Variants in PHTF2 observed in about 807,000 individuals in gnomAD.
PHTF2 encodes the protein putative homeodomain transcription factor 2, also known as protein PHTF2.
Under a neutral mutation model 101.2 loss-of-function variants are expected in PHTF2, and 60 were observed. The observed-to-expected ratio is 0.59, with a 90% CI of 0.48 to 0.73. The LOEUF (loss-of-function observed/expected upper bound fraction) is 0.73, where lower values mean the gene tolerates loss of function less well. Among genes scored for constraint, PHTF2 ranks in the 30% least tolerant of loss-of-function variants. The probability of loss-of-function intolerance (pLI) is 0.00; values close to 1 mark genes in which losing one functional copy is unlikely to be tolerated. For missense variants in PHTF2, 747 were observed against 908.7 expected, an observed-to-expected ratio of 0.82 and a Z score of 2.29; for synonymous variants, 311 against 307.3, an observed-to-expected ratio of 1.01 and a Z score of -0.13.
At chr7:77,906,691 T>C (rs1801888888) in intron 7 of PHTF2, among the ~76,000 whole-genome samples, 1 of 152,174 alleles carries the variant, frequency 6.6e-6, no homozygotes, top group South Asian at 2.1e-4. Flanking sequence ...TAAGCATTTG[T>C]ACTTGCCCCT....
chr7:77,824,952 C>T (rs1794595920), intron 1 of PHTF2, among the ~76,000 whole-genome samples: 1 of 151,914 alleles, frequency 6.6e-6, no homozygotes, highest in South Asian at 2.1e-4. Flanking sequence ...GGGAGGAACA[C>T]TTGAGACCCC....
intron 3 of PHTF2, among the ~76,000 whole-genome samples, chr7:77,875,965 A>G (rs1798910758): frequency 6.6e-6 from 1 of 152,188 alleles, no homozygotes. Flanking sequence ...TATTACTGCT[A>G]TTATCCTGAT....
intron 1 of PHTF2, among the ~76,000 whole-genome samples, chr7:77,834,531 C>T (rs1033997743): frequency 1.2e-4 from 18 of 152,130 alleles, no homozygotes; most frequent in African/African-American, 4.1e-4. Flanking sequence ...AGGGGCTTGA[C>T]TCAAGTCCTA....
chr7:77,890,018 A>C, intron 3 of PHTF2, among the ~76,000 whole-genome samples: 1 of 111,826 alleles, frequency 8.9e-6, no homozygotes, highest in African/African-American at 4.4e-5. Context: ...AAAAATTAAG[A>C]CGCGCCCCCC....
chr7:77,865,810 G>A (rs918556699), intron 3 of PHTF2, among the ~76,000 whole-genome samples: 3 of 152,058 alleles, frequency 2.0e-5, no homozygotes, highest in African/African-American at 7.2e-5. Context: ...GATGTGCCAT[G>A]TATCAAGCCA....
In PHTF2 at chr7:77,888,040, G is replaced by A. The variant is rs144373861; in HGVS notation, c.148-5568G>A. On this transcript the variant is annotated intron_variant, in intron 3 of 19. Transcript: ENST00000416283. ...TGGATATCTATACCATTACTTGTAC[G>A]TTAATTACCTTGGTATATCTCTCTC... Among the ~76,000 whole-genome samples the A allele has an allele frequency of 8.5e-5, 13 of 152,130 alleles. No homozygotes were observed. The East Asian group carries it at 2.5e-3, about 29-fold the overall frequency.
chr7:77,920,570 T>A, intron 10 of PHTF2, 105 bp downstream of exon 9: 1 of 777,908 alleles, frequency 1.3e-6, no homozygotes, highest in East Asian at 2.6e-5. Flanking sequence ...TTCTCCAGAA[T>A]TAATTCTGTG....
chr7:77,893,995 T>G lies in PHTF2; in HGVS notation c.216+2T>G. 3 of 1,601,208 alleles carry G rather than the reference T, an allele frequency of 1.9e-6. No homozygotes were observed. The highest frequency in any genetic ancestry group is 2.6e-6 in the Non-Finnish European group (3 of 1,168,288). On this transcript the variant is annotated splice_donor_variant, in intron 5 of 19. Coordinates refer to ENST00000416283, the Ensembl canonical transcript of PHTF2. LOFTEE classifies it high-confidence loss of function. Reference sequence around the variant, plus strand: ...TGCTCTGTACAGTTTATTAAACTGGTAAGTGTTTCAGGATTTTTCCCGCCT... The same window carrying G: ...TGCTCTGTACAGTTTATTAAACTGGGAAGTGTTTCAGGATTTTTCCCGCCT...
chr7:77,800,728 A>G (rs535415568), intron 1 of PHTF2, among the ~76,000 whole-genome samples: 3 of 152,352 alleles, frequency 2.0e-5, no homozygotes, highest in Admixed American at 1.3e-4. Context: ...TTAGGGTGTC[A>G]TGTGGATAAA....
chr7:77,928,592 A>G (rs1804279679), intron 11 of PHTF2, among the ~76,000 whole-genome samples: 1 of 152,206 alleles, frequency 6.6e-6, no homozygotes, highest in Non-Finnish European at 1.5e-5. Context: ...AGGATTCTCA[A>G]ATCTCACAGT....
intron 9 of PHTF2, among the ~76,000 whole-genome samples, chr7:77,917,691 A>G (rs775656689): frequency 6.6e-6 from 1 of 152,164 alleles, no homozygotes; most frequent in African/African-American, 2.4e-5. Flanking sequence ...ACTTTTCTCT[A>G]ATATTGTCCC....
chr7:77,952,962 T>A lies in PHTF2; in HGVS notation c.2212-807T>A, dbSNP rs561664858. 9.8e-5 allele frequency among the ~76,000 whole-genome samples: 15 copies of A among 152,308 alleles called. 1 individual carries two copies. In the South Asian group the frequency reaches 2.3e-3, roughly 23 times the overall value. Reference sequence around the variant, plus strand: ...TCTCTCACTTATGCTTTTGATACACTGAACTCCTTACAGATATTCTTGCTT... The same window carrying A: ...TCTCTCACTTATGCTTTTGATACACAGAACTCCTTACAGATATTCTTGCTT... On this transcript the variant is annotated intron_variant, in intron 18 of 19. Transcript: ENST00000416283.
rs775375328 is a variant in PHTF2 at position 77,920,400 on chromosome 7, T to C, written c.898T>C (p.Cys300Arg). Residue 300 changes from cysteine (C) to arginine (R), a missense_variant, in exon 10 of 20, where the codon TGT becomes CGT. By Grantham distance (180) the Cys-to-Arg change is radical (BLOSUM62 -3). Coordinates refer to ENST00000416283, the Ensembl canonical transcript of PHTF2. ...TGGAATACAAAACCATGAACCTCAG[T>C]GTGAAACTATTCGACCAGAAGAGAC... is the stretch of plus-strand genomic sequence containing the variant. 1.1e-5 allele frequency: 18 copies of C among 1,613,578 alleles called. No homozygotes were observed. In the South Asian group the frequency reaches 1.2e-4, roughly 11 times the overall value.
At chr7:77,895,266 A>T (rs750278888) in intron 5 of PHTF2, 28 of 373,968 alleles carry the variant, frequency 7.5e-5, no homozygotes, top group Non-Finnish European at 1.4e-4. Flanking sequence ...GAATGAGTAG[A>T]TTTCTGTTGA....
chr7:77,852,723 C>G (rs1458411432), intron 2 of PHTF2, among the ~76,000 whole-genome samples: 1 of 152,136 alleles, frequency 6.6e-6, no homozygotes, highest in Non-Finnish European at 1.5e-5. Flanking sequence ...TTTTTAACCT[C>G]CTTTCAGATT....
chr7:77,842,064 C>T (rs1302864589), intron 2 of PHTF2, among the ~76,000 whole-genome samples: 1 of 152,014 alleles, frequency 6.6e-6, no homozygotes, highest in Non-Finnish European at 1.5e-5. Flanking sequence ...TGAAGTTAGC[C>T]CTGTAATTGA....
At chr7:77,937,970 G>A (rs905092149) in intron 13 of PHTF2, 132 bp downstream of exon 12, 2 of 353,680 alleles carry the variant, frequency 5.7e-6, no homozygotes, top group Non-Finnish European at 1.0e-5. Context: ...TTACATGTGT[G>A]TATTTGTTTC....
At chr7:77,927,057 C>A (rs1192187693) in intron 11 of PHTF2, among the ~76,000 whole-genome samples, 3 of 147,122 alleles carry the variant, frequency 2.0e-5, no homozygotes, top group African/African-American at 7.5e-5. Context: ...ACTCAGGAGG[C>A]TGAGGCAGGA....
chr7:77,852,895 T>C (rs1395338268), intron 2 of PHTF2, among the ~76,000 whole-genome samples: 1 of 152,230 alleles, frequency 6.6e-6, no homozygotes, highest in East Asian at 1.9e-4. Flanking sequence ...ACTTTAAATA[T>C]GTCATGCCAC....
Sources: gnomAD v4.1 joint callset for allele counts (sites outside exome capture counted in the v4.1 genomes callset) on GRCh38, gnomAD v4.1.1 for gene constraint, MANE v1.5 for transcripts, NCBI Gene and HGNC (gene_info 2026-07-23, HGNC 2026-07-21) for gene names.